The following DPP10 variants were observed in gnomAD, a reference collection of about 807,000 sequenced individuals.
DPP10 encodes inactive dipeptidyl peptidase 10.
In DPP10, 33 loss-of-function variants were observed where a neutral mutation model predicts 120.9. The ratio of observed to expected loss-of-function variants is 0.27; its 90% confidence interval spans 0.21 to 0.37. DPP10 has a LOEUF of 0.37. Among genes scored for constraint, DPP10 ranks in the 10% least tolerant of loss-of-function variants. The pLI, the probability that DPP10 is intolerant of heterozygous loss-of-function variation, is 1.00. For missense variants in DPP10, 816 were observed against 942.8 expected, an observed-to-expected ratio of 0.87 and a Z score of 1.76; for synonymous variants, 337 against 326.1, an observed-to-expected ratio of 1.03 and a Z score of -0.36.
At chr2:115,777,749 CTG>C (rs1378933925) in intron 14 of DPP10, 36 bp from the exon 15 acceptor site, 5 of 1,605,852 alleles carry the variant, frequency 3.1e-6, no homozygotes, top group East Asian at 4.5e-5. Flanking sequence ...AAAAATAGAT[CTG>C]TGTCTAATGC....
chr2:114,595,095 T>G (rs897500428), intron 1 of DPP10, among the ~76,000 whole-genome samples: 1 of 152,110 alleles, frequency 6.6e-6, no homozygotes, highest in Non-Finnish European at 1.5e-5. Context: ...CTTCTAAATG[T>G]TATTTGTTTT....
intron 1 of DPP10, among the ~76,000 whole-genome samples, chr2:114,707,373 T>C (rs1341287575): frequency 6.6e-6 from 1 of 152,230 alleles, no homozygotes; most frequent in Non-Finnish European, 1.5e-5. Context: ...TAACCAAATT[T>C]CAAATTATTA....
chr2:115,664,612 C>T (rs6734985), intron 5 of DPP10, among the ~76,000 whole-genome samples: 98,941 of 152,016 alleles, frequency 0.65, 33,794 homozygotes, highest in East Asian at 0.92. Context: ...AATCTGGAAG[C>T]TTGTCAGTAG....
intron 1 of DPP10, among the ~76,000 whole-genome samples, chr2:114,711,357 T>C (rs959309305): frequency 2.6e-5 from 4 of 152,170 alleles, no homozygotes; most frequent in African/African-American, 4.8e-5. Flanking sequence ...TAAATAAAAG[T>C]GCAAGGAGAA....
chr2:115,377,263 A>G (rs1354943810), intron 3 of DPP10, among the ~76,000 whole-genome samples: 1 of 150,636 alleles, frequency 6.6e-6, no homozygotes, highest in African/African-American at 2.4e-5. Context: ...GTGAGATGGT[A>G]TCTCATTGTG....
chr2:115,284,017 C>T (rs1480618882), intron 1 of DPP10, among the ~76,000 whole-genome samples: 1 of 151,952 alleles, frequency 6.6e-6, no homozygotes, highest in East Asian at 1.9e-4. Flanking sequence ...CGATGGACTT[C>T]TCAGAGTGTA....
intron 1 of DPP10, among the ~76,000 whole-genome samples, chr2:115,171,517 A>T (rs750831266): frequency 6.6e-6 from 1 of 152,030 alleles, no homozygotes; most frequent in Non-Finnish European, 1.5e-5. Context: ...TAAATGTCAC[A>T]CCTTTGTATT....
chr2:115,820,588 C>CTT (rs1393294653), intron 21 of DPP10, among the ~76,000 whole-genome samples: 1 of 152,124 alleles, frequency 6.6e-6, no homozygotes, highest in African/African-American at 2.4e-5. Context: ...CCACCTCTCA[C>CTT]TTTTTCCCTC....
chr2:115,227,822 T>C (rs1311623877), intron 1 of DPP10, among the ~76,000 whole-genome samples: 1 of 152,104 alleles, frequency 6.6e-6, no homozygotes, highest in Non-Finnish European at 1.5e-5. Context: ...TTATGCTTTC[T>C]TTTTATTCTC....
chr2:115,500,786 AAT>A (rs971049214), intron 4 of DPP10, among the ~76,000 whole-genome samples: 1 of 152,000 alleles, frequency 6.6e-6, no homozygotes, highest in Non-Finnish European at 1.5e-5. Context: ...ACTGTCTAAG[AAT>A]GTGGATTTCC....
chr2:115,368,461 A>G (rs2106385581), intron 3 of DPP10, among the ~76,000 whole-genome samples: 1 of 152,224 alleles, frequency 6.6e-6, no homozygotes, highest in Admixed American at 6.6e-5. Flanking sequence ...TATCAATTTA[A>G]TGTATTTTAA....
At chr2:115,574,858 C>T (rs1261323851) in intron 5 of DPP10, among the ~76,000 whole-genome samples, 1 of 152,164 alleles carries the variant, frequency 6.6e-6, no homozygotes, top group Non-Finnish European at 1.5e-5. Context: ...GCAGTGTTGT[C>T]CGTGGCGGCT....
chr2:115,465,412 TA>T (rs1200540468), intron 3 of DPP10, among the ~76,000 whole-genome samples: 1 of 152,154 alleles, frequency 6.6e-6, no homozygotes, highest in Non-Finnish European at 1.5e-5. Flanking sequence ...ACTACTGAAA[TA>T]AAGTGTACTG....
intron 1 of DPP10, among the ~76,000 whole-genome samples, chr2:114,761,180 G>C (rs1044318153): frequency 1.3e-5 from 2 of 152,126 alleles, no homozygotes; most frequent in Non-Finnish European, 2.9e-5. Flanking sequence ...CTTTCTGCCA[G>C]TGTACAGTAT....
chr2:114,997,560 A>G (rs1266976308), intron 1 of DPP10, among the ~76,000 whole-genome samples: 1 of 152,178 alleles, frequency 6.6e-6, no homozygotes, highest in South Asian at 2.1e-4. Context: ...TTACCTTAAA[A>G]AAGTGTAATA....
intron 1 of DPP10, among the ~76,000 whole-genome samples, chr2:115,255,329 A>T (rs10199934): frequency 0.79 from 120,769 of 152,046 alleles, 48,192 homozygotes; most frequent in East Asian, 0.89. Flanking sequence ...GAGCGCCGAG[A>T]CCCTATGCTG....
intron 1 of DPP10, among the ~76,000 whole-genome samples, chr2:114,681,903 A>G (rs1005317299): frequency 6.6e-6 from 1 of 152,052 alleles, no homozygotes; most frequent in Admixed American, 6.6e-5. Flanking sequence ...AAATGGTGCT[A>G]CAATGCTTAG....
chr2:115,375,997 T>A (rs968312748), intron 3 of DPP10, among the ~76,000 whole-genome samples: 7 of 152,106 alleles, frequency 4.6e-5, no homozygotes, highest in Non-Finnish European at 4.4e-5. Context: ...AGAATATTCA[T>A]TAGGCTGTTG....
At chr2:114,559,130 AT>A (rs1558880203) in intron 1 of DPP10, among the ~76,000 whole-genome samples, 1 of 152,158 alleles carries the variant, frequency 6.6e-6, no homozygotes, top group Non-Finnish European at 1.5e-5. Context: ...TTCCTCATAG[AT>A]GTCTATACCC....
Sources: gnomAD v4.1 joint callset for allele counts (sites outside exome capture counted in the v4.1 genomes callset) on GRCh38, gnomAD v4.1.1 for gene constraint, MANE v1.5 for transcripts, NCBI Gene and HGNC (gene_info 2026-07-23, HGNC 2026-07-21) for gene names.